USP28: variants seen among roughly 807,000 people sequenced by gnomAD.
USP28 encodes the protein ubiquitin specific peptidase 28, also known as ubiquitin carboxyl-terminal hydrolase 28.
In USP28, 113 loss-of-function variants were observed where a neutral mutation model predicts 145.0. The observed-to-expected ratio is 0.78, with a 90% CI of 0.67 to 0.91. The LOEUF is 0.91. Among genes scored for constraint, USP28 ranks in the 40% least tolerant of loss-of-function variants. The pLI is 0.00. For missense variants in USP28, 1,201 were observed against 1,289.6 expected, an observed-to-expected ratio of 0.93 and a Z score of 1.05; for synonymous variants, 447 against 450.9, an observed-to-expected ratio of 0.99 and a Z score of 0.11.
intron 8 of USP28, among the ~76,000 whole-genome samples, chr11:113,831,491 T>C (rs1225835299): frequency 6.6e-6 from 1 of 152,210 alleles, no homozygotes; most frequent in East Asian, 1.9e-4. Flanking sequence ...GATATCCGTA[T>C]CGTGCCCTAA....
chr11:113,836,011 G>C (rs1268762518), intron 5 of USP28, among the ~76,000 whole-genome samples: 1 of 152,184 alleles, frequency 6.6e-6, no homozygotes, highest in Non-Finnish European at 1.5e-5. Flanking sequence ...CCTGGAGGCA[G>C]AGGTTGCCGT....
At position 113,808,148 on chromosome 11, in the gene USP28, G is replaced by C; in HGVS notation, c.2304+150C>G. 2 of 1,517,318 alleles carry C rather than the reference G, an allele frequency of 1.3e-6. No individual in the cohort carries two copies. Among genetic ancestry groups the C allele is most frequent in the Non-Finnish European group, 1.8e-6 (2 of 1,140,726 alleles). 94.0% of individuals were successfully genotyped at this position (1,517,318 alleles called of 1,614,324 possible). A position where few individuals can be genotyped will look rare whatever the true frequency, so the allele number is the denominator to read the frequency against. Reference sequence around the variant, plus strand: ...TCAGCTTCTTTAAGCTGTGGCAGCAGAGTGGGGAGAAAGAGTAAGAAAAAA... The same window carrying C: ...TCAGCTTCTTTAAGCTGTGGCAGCACAGTGGGGAGAAAGAGTAAGAAAAAA... On this transcript the variant is annotated intron_variant, in intron 18 of 24. Coordinates refer to ENST00000003302, the Ensembl canonical transcript of USP28.
rs1939463064 is a variant in USP28, at chr11:113,803,782, T to G, written c.2738+16A>C. 6.2e-7 allele frequency: 1 copy of G among 1,605,002 alleles called. No homozygotes were observed. Among genetic ancestry groups the G allele is most frequent in the Non-Finnish European group, 8.5e-7 (1 of 1,174,862 alleles). On this transcript the variant is annotated intron_variant, in intron 22 of 24. Transcript: ENST00000003302. ...ATCCTGACTAATAATCTTGGTAAAA[T>G]AAAAGGCCAACATACTTTCCTTTTT...
At chr11:113,849,843 G>T (rs1946271758) in intron 3 of USP28, among the ~76,000 whole-genome samples, 1 of 152,136 alleles carries the variant, frequency 6.6e-6, no homozygotes, top group Admixed American at 6.6e-5. Context: ...GGCAACCCTA[G>T]GGGACTACAA....
intron 5 of USP28, among the ~76,000 whole-genome samples, chr11:113,836,352 C>T (rs138549620): frequency 5.3e-4 from 81 of 152,232 alleles, no homozygotes; most frequent in African/African-American, 1.8e-3. Context: ...CCATCAGCAC[C>T]CCATCAGCTG....
At chr11:113,803,919 G>C (rs1939490063) in intron 21 of USP28, 42 bp from the exon 23 acceptor site, 3 of 1,534,734 alleles carry the variant, frequency 2.0e-6, no homozygotes, top group Non-Finnish European at 1.8e-6. Context: ...GATCATAATA[G>C]ATTGTTAGTG....
At chr11:113,828,789 T>A (rs1298628510) in intron 10 of USP28, 1 of 332,444 alleles carries the variant, frequency 3.0e-6, no homozygotes, top group Admixed American at 4.3e-5. Context: ...AAAGGCAGAA[T>A]TTACAATTGA....
Position 113,829,146 on chromosome 11 carries a change from C to G in USP28, c.1059+51G>C, listed in dbSNP as rs956125542. On this transcript the variant is annotated intron_variant, in intron 10 of 24. Transcript: ENST00000003302. ...AACTAGTCTGCCCAAAAGCTCACTCCTACTTAACTGGCTTTGTCACTGGCA... is the reference window on the plus strand; with the variant it reads ...AACTAGTCTGCCCAAAAGCTCACTCGTACTTAACTGGCTTTGTCACTGGCA... 9 of 1,597,828 alleles carry G rather than the reference C, an allele frequency of 5.6e-6. No homozygotes were observed. The African/African-American group carries it at 1.1e-4, about 19-fold the overall frequency.
chr11:113,867,108 G>T (rs1206090923), intron 1 of USP28, among the ~76,000 whole-genome samples: 1 of 152,216 alleles, frequency 6.6e-6, no homozygotes, highest in Non-Finnish European at 1.5e-5. Context: ...ACAGAAAGTA[G>T]ATTGGTATTG....
In USP28 at chr11:113,829,201, TG is replaced by T; in HGVS notation, c.1054del (p.Gln352LysfsTer12). 1 of 1,613,710 alleles carries T rather than the reference TG, an allele frequency of 6.2e-7. No homozygotes were observed. The highest frequency in any genetic ancestry group is 8.5e-7 in the Non-Finnish European group (1 of 1,179,852). On this transcript the variant is annotated frameshift_variant, in exon 10 of 25. Transcript: ENST00000003302. LOFTEE classifies it high-confidence loss of function. The stretch of plus-strand genomic sequence containing the variant: ...AAATAAAGATCTCCAACGTACCTCT[TG>T]TCCATACTTCACCGAGTGATCGGAG...
At chr11:113,848,303 GT>G (rs1946102970) in intron 3 of USP28, among the ~76,000 whole-genome samples, 1 of 152,320 alleles carries the variant, frequency 6.6e-6, no homozygotes, top group East Asian at 1.9e-4. Flanking sequence ...ATTTACCCCA[GT>G]TTGGAGAAAC....
chr11:113,862,651 T>C (rs558265744), intron 1 of USP28, among the ~76,000 whole-genome samples: 1 of 152,160 alleles, frequency 6.6e-6, no homozygotes, highest in Non-Finnish European at 1.5e-5. Flanking sequence ...GGACATACTC[T>C]GAACATCTCA....
intron 1 of USP28, chr11:113,874,448 AAGT>A: frequency 2.9e-6 from 3 of 1,043,908 alleles, no homozygotes; most frequent in Non-Finnish European, 3.7e-6. Flanking sequence ...AAAAAAAAAA[AAGT>A]GTCTCCATGC....
chr11:113,826,063 TCA>T (rs1943250869), intron 11 of USP28, among the ~76,000 whole-genome samples: 2 of 151,974 alleles, frequency 1.3e-5, no homozygotes, highest in African/African-American at 4.8e-5. Context: ...GACGGGCAGA[TCA>T]CAAGGTCAGG....
intron 15 of USP28, among the ~76,000 whole-genome samples, chr11:113,813,075 A>G (rs1380100179): frequency 2.0e-5 from 3 of 152,256 alleles, no homozygotes; most frequent in Non-Finnish European, 4.4e-5. Context: ...AAATAGAGCA[A>G]TGCTTAAATG....
At chr11:113,864,485 G>T (rs749044092) in intron 1 of USP28, among the ~76,000 whole-genome samples, 3 of 152,170 alleles carry the variant, frequency 2.0e-5, no homozygotes, top group Non-Finnish European at 2.9e-5. Context: ...TAGTGTTAGT[G>T]TAAGTATGAG....
chr11:113,853,333 C>T (rs549648994), intron 2 of USP28, among the ~76,000 whole-genome samples: 4 of 146,564 alleles, frequency 2.7e-5, no homozygotes, highest in East Asian at 2.0e-4. Flanking sequence ...AAAAAAGCCA[C>T]GCAGTTACCT....
chr11:113,810,731 G>A (rs1940839628), intron 16 of USP28, among the ~76,000 whole-genome samples: 1 of 152,214 alleles, frequency 6.6e-6, no homozygotes, highest in Admixed American at 6.5e-5. Context: ...GCTGGGTGCA[G>A]TGGCACGATC....
exon 11 of USP28, chr11:113,827,336 C>T (rs769232539): frequency 1.2e-6 from 2 of 1,603,996 alleles, no homozygotes; most frequent in Admixed American, 1.7e-5. Flanking sequence ...AAGGTCAACA[C>T]TGGAGGTAGC....
Sources: gnomAD v4.1 joint callset for allele counts (sites outside exome capture counted in the v4.1 genomes callset) on GRCh38, gnomAD v4.1.1 for gene constraint, MANE v1.5 for transcripts, NCBI Gene and HGNC (gene_info 2026-07-23, HGNC 2026-07-21) for gene names.